The following MAP3K7CL variants were observed in gnomAD, a reference collection of about 807,000 sequenced individuals.
MAP3K7CL encodes MAP3K7 C-terminal-like protein.
In MAP3K7CL, 16 loss-of-function variants were observed where a neutral mutation model predicts 18.6. The observed-to-expected ratio is 0.86, with a 90% CI of 0.58 to 1.31. MAP3K7CL has a LOEUF of 1.31. Ranked by LOEUF, MAP3K7CL falls within the 50% of genes most tolerant of loss-of-function variation. The pLI is 0.00. For missense variants in MAP3K7CL, 163 were observed against 174.4 expected (o/e 0.93, Z 0.37); for synonymous variants, 65 against 66.8 (o/e 0.97, Z 0.13).
intron 4 of MAP3K7CL, among the ~76,000 whole-genome samples, chr21:29,163,995 G>T (rs578133897): frequency 3.3e-5 from 5 of 151,756 alleles, no homozygotes; most frequent in African/African-American, 1.2e-4. Flanking sequence ...CAGCAATAAA[G>T]GACTGCTAGG....
At chr21:29,138,170 C>T (rs2086924929) in intron 2 of MAP3K7CL, among the ~76,000 whole-genome samples, 1 of 152,154 alleles carries the variant, frequency 6.6e-6, no homozygotes, top group South Asian at 2.1e-4. Flanking sequence ...TTGGAGAACA[C>T]AAATATATAT....
In MAP3K7CL at chr21:29,133,334, C is replaced by T. The variant is rs2086815373; in HGVS notation, c.-11C>T. 6.4e-7 allele frequency: 1 copy of T among 1,550,450 alleles called. No homozygotes were observed. Among genetic ancestry groups the T allele is most frequent in the African/African-American group, 1.4e-5 (1 of 73,174 alleles). ...GAAGACCCAGGAGAAGGCGGAGGCT[C>T]AGGTGCCCACATGATCAGCACAGCC... On this transcript the variant is annotated 5_prime_UTR_variant, in exon 2 of 5. Coordinates refer to ENST00000399928, the MANE Select transcript of MAP3K7CL (RefSeq NM_001286620.2).
intron 4 of MAP3K7CL, chr21:29,109,879 G>T (rs1369846177): frequency 1.3e-6 from 1 of 777,196 alleles, no homozygotes. Context: ...TGTTGAATTT[G>T]TCTTCTGTTA....
At chr21:29,095,763 T>G (rs2146513711) in intron 4 of MAP3K7CL, among the ~76,000 whole-genome samples, 1 of 152,314 alleles carries the variant, frequency 6.6e-6, no homozygotes, top group African/African-American at 2.4e-5. Flanking sequence ...GGGCTTGAGA[T>G]TCTGCATATC....
chr21:29,151,764 C>T (rs757176307), intron 3 of MAP3K7CL, among the ~76,000 whole-genome samples: 44 of 152,304 alleles, frequency 2.9e-4, no homozygotes, highest in Non-Finnish European at 4.7e-4. Flanking sequence ...TTCTCTGGCT[C>T]GTGGATCATT....
chr21:29,147,613 G>C (rs561831132), intron 2 of MAP3K7CL, among the ~76,000 whole-genome samples: 6 of 151,178 alleles, frequency 4.0e-5, no homozygotes, highest in African/African-American at 1.5e-4. Flanking sequence ...TATGTGTACT[G>C]TATATGTATC....
intron 1 of MAP3K7CL, among the ~76,000 whole-genome samples, chr21:29,086,832 T>C (rs557081749): frequency 1.3e-5 from 2 of 152,350 alleles, no homozygotes; most frequent in South Asian, 4.1e-4. Flanking sequence ...TTTTATCATA[T>C]ATCAACAATG....
intron 4 of MAP3K7CL, among the ~76,000 whole-genome samples, chr21:29,106,558 C>A (rs760889134): frequency 3.3e-4 from 51 of 152,244 alleles, no homozygotes; most frequent in Non-Finnish European, 5.4e-4. Context: ...CAGTCTGGGG[C>A]CCTTGCACTG....
intron 4 of MAP3K7CL, among the ~76,000 whole-genome samples, chr21:29,164,888 T>G (rs1050251463): frequency 1.2e-4 from 18 of 152,338 alleles, no homozygotes; most frequent in Admixed American, 9.1e-4. Context: ...TGCATGTGAA[T>G]AGACATTTTA....
chr21:29,130,885 G>T lies in MAP3K7CL; in HGVS notation c.-78G>T, dbSNP rs2086766954. 5 of 985,430 alleles carry T rather than the reference G, an allele frequency of 5.1e-6. No homozygotes were observed. The highest frequency in any genetic ancestry group is 6.0e-6 in the Non-Finnish European group (5 of 830,022). The allele number at this position is 985,430 out of a possible 1,614,324, so 61.0% of individuals were successfully genotyped here. A position where few individuals can be genotyped will look rare whatever the true frequency, so the allele number is the denominator to read the frequency against. On this transcript the variant is annotated 5_prime_UTR_variant, in exon 1 of 5. Transcript: ENST00000399928. ...CAACGACTGGCCAAGGCAGTGGCTG[G>T]CTCTGGGTTACACAAGTGCAGACAC... is the stretch of plus-strand genomic sequence containing the variant.
At chr21:29,121,928 C>T (rs1375932832) in intron 4 of MAP3K7CL, 1 of 151,818 alleles carries the variant, frequency 6.6e-6, no homozygotes, top group East Asian at 1.9e-4. Flanking sequence ...GTCACAGGCA[C>T]TAGTCAAATT....
chr21:29,152,395 A>T (rs1255873810), intron 3 of MAP3K7CL, among the ~76,000 whole-genome samples: 1 of 152,214 alleles, frequency 6.6e-6, no homozygotes. Context: ...TACACAGAGC[A>T]GGCCATCTTT....
At chr21:29,158,842 A>G (rs1476680429) in intron 3 of MAP3K7CL, among the ~76,000 whole-genome samples, 2 of 149,360 alleles carry the variant, frequency 1.3e-5, no homozygotes, top group Non-Finnish European at 3.0e-5. Flanking sequence ...CTCAGATTTT[A>G]TTTACTTTTT....
At position 29,141,666 on chromosome 21, in the gene MAP3K7CL, T is replaced by C. The variant is rs16983772; in HGVS notation, c.71-7523T>C. Among the ~76,000 whole-genome samples the C allele has an allele frequency of 7.3e-3, 1,114 of 152,314 alleles. 11 individuals carry two copies. The highest frequency in any genetic ancestry group is 0.025 in the African/African-American group (1,045 of 41,578). The stretch of plus-strand genomic sequence containing the variant: ...ATCATGTTTATTAATTTACAAAGTA[T>C]TGAAAACCTGCTTTGTCATCCCAAA... On this transcript the variant is annotated intron_variant, in intron 2 of 4. Transcript: ENST00000399928.
chr21:29,105,574 G>A (rs1034883226), intron 4 of MAP3K7CL, among the ~76,000 whole-genome samples: 2 of 152,184 alleles, frequency 1.3e-5, no homozygotes, highest in East Asian at 1.9e-4. Context: ...GGAGAAGTGG[G>A]ATGGGGCAAG....
Position 29,109,364 on chromosome 21 carries a change from T to C in MAP3K7CL, c.370+16783T>C. ...TTGATTTTCATTAGTAATAGAAAGA[T>C]AGATCAACTCCTTGAAATCAGAGAG... is the stretch of plus-strand genomic sequence containing the variant. On this transcript the variant is annotated intron_variant, in intron 4 of 6. Transcript: ENST00000286791. 2.2e-6 allele frequency: 3 copies of C among 1,371,370 alleles called. No homozygotes were observed. In the South Asian group the frequency reaches 5.5e-5, roughly 25 times the overall value. 85.0% of individuals were successfully genotyped at this position (1,371,370 alleles called of 1,614,324 possible).
At chr21:29,169,047 A>G (rs936149219) in intron 4 of MAP3K7CL, among the ~76,000 whole-genome samples, 1 of 152,200 alleles carries the variant, frequency 6.6e-6, no homozygotes, top group South Asian at 2.1e-4. Context: ...CTACATTGGC[A>G]ATACTTAAGA....
chr21:29,171,670 T>C (rs1253706926), intron 4 of MAP3K7CL, among the ~76,000 whole-genome samples: 3 of 151,876 alleles, frequency 2.0e-5, no homozygotes, highest in African/African-American at 7.3e-5. Flanking sequence ...TAGCCAAGTG[T>C]GGCGCACACA....
chr21:29,096,282 C>T (rs1428799592), intron 4 of MAP3K7CL, among the ~76,000 whole-genome samples: 1 of 152,198 alleles, frequency 6.6e-6, no homozygotes, highest in Non-Finnish European at 1.5e-5. Flanking sequence ...GGGCCAAGCA[C>T]TATTCTAGGT....
Sources: gnomAD v4.1 joint callset for allele counts (sites outside exome capture counted in the v4.1 genomes callset) on GRCh38, gnomAD v4.1.1 for gene constraint, MANE v1.5 for transcripts, NCBI Gene and HGNC (gene_info 2026-07-23, HGNC 2026-07-21) for gene names.